The following UPP2 variants were observed in gnomAD, a reference collection of about 807,000 sequenced individuals.
The protein encoded by UPP2 is uridine phosphorylase 2.
Under a neutral mutation model 26.7 loss-of-function variants are expected in UPP2, and 23 were observed. That is an observed-to-expected ratio of 0.86 (90% CI 0.62 to 1.22). The LOEUF is 1.22. UPP2 is among the 50% of genes most tolerant of loss of function. UPP2 has a pLI of 0.00. For missense variants in UPP2, 387 were observed against 396.7 expected (o/e 0.98, Z 0.21); for synonymous variants, 127 against 141.3 (o/e 0.90, Z 0.72).
chr2:158,119,049 C>A (rs1373244198), intron 4 of UPP2, among the ~76,000 whole-genome samples: 14 of 152,024 alleles, frequency 9.2e-5, no homozygotes, highest in Admixed American at 9.2e-4. Flanking sequence ...TGTAGTTTAT[C>A]CAACAATACC....
intron 3 of UPP2, among the ~76,000 whole-genome samples, chr2:158,064,023 C>A (rs1163272602): frequency 2.0e-5 from 3 of 152,204 alleles, no homozygotes; most frequent in Non-Finnish European, 1.5e-5. Flanking sequence ...GGTTCCAAAT[C>A]TTTGCTATTG....
intron 3 of UPP2, among the ~76,000 whole-genome samples, chr2:158,039,926 T>C (rs1020087041): frequency 2.6e-5 from 4 of 152,176 alleles, no homozygotes; most frequent in African/African-American, 9.7e-5. Flanking sequence ...ATCTGGAACT[T>C]AGTGTTAAGC....
chr2:158,106,797 T>C lies in UPP2; in HGVS notation c.180+581T>C, dbSNP rs187791609. 2.3e-3 allele frequency among the ~76,000 whole-genome samples: 348 copies of C among 152,256 alleles called. 1 individual carries two copies. Among genetic ancestry groups the C allele is most frequent in the Admixed American group, 4.7e-3 (72 of 15,290 alleles). ...AGCAATTTGTGTACATTATTTAAAA[T>C]AGGGAATACAAAAAAGAATATGATT... On this transcript the variant is annotated intron_variant, in intron 2 of 6. Transcript: ENST00000005756.
At chr2:158,003,188 A>G (rs1232083061) in intron 2 of UPP2, among the ~76,000 whole-genome samples, 1 of 152,048 alleles carries the variant, frequency 6.6e-6, no homozygotes, top group African/African-American at 2.4e-5. Context: ...CAGAGAAAGA[A>G]GGACTTTTGT....
chr2:158,120,385 T>C (rs1376800843), intron 4 of UPP2, among the ~76,000 whole-genome samples: 1 of 152,084 alleles, frequency 6.6e-6, no homozygotes, highest in Non-Finnish European at 1.5e-5. Context: ...TTATGAACCA[T>C]AGGCTTGCGG....
chr2:158,077,554 C>T (rs1367692135), intron 3 of UPP2, among the ~76,000 whole-genome samples: 1 of 151,720 alleles, frequency 6.6e-6, no homozygotes, highest in African/African-American at 2.4e-5. Context: ...AAGACAGTCT[C>T]TTTAAGGTGC....
intron 3 of UPP2, among the ~76,000 whole-genome samples, chr2:158,116,445 G>C (rs915888432): frequency 5.3e-5 from 8 of 152,138 alleles, no homozygotes; most frequent in Non-Finnish European, 8.8e-5. Context: ...AACAGCAATA[G>C]ACTGATCCTG....
intron 3 of UPP2, among the ~76,000 whole-genome samples, chr2:158,017,368 C>A (rs1166511227): frequency 3.3e-5 from 5 of 152,070 alleles, no homozygotes; most frequent in Admixed American, 3.3e-4. Flanking sequence ...CATAAATTTA[C>A]CTTTCTGGGC....
upstream of UPP2, chr2:158,101,862 A>G (rs1467363188): frequency 1.5e-6 from 2 of 1,343,594 alleles, no homozygotes; most frequent in Admixed American, 7.0e-5. Context: ...GTCAGGGAGG[A>G]CATCTTTTAT....
At chr2:158,086,495 C>T (rs1355160691) in intron 3 of UPP2, among the ~76,000 whole-genome samples, 1 of 151,662 alleles carries the variant, frequency 6.6e-6, no homozygotes, top group Non-Finnish European at 1.5e-5. Flanking sequence ...TCATTTAGTT[C>T]TGCTCTGATC....
intron 3 of UPP2, among the ~76,000 whole-genome samples, chr2:158,036,289 A>G (rs1201496053): frequency 6.6e-6 from 1 of 152,110 alleles, no homozygotes; most frequent in Non-Finnish European, 1.5e-5. Context: ...TTAAGGTATA[A>G]TTTCAAAGTC....
At chr2:158,090,054 C>G (rs1682882132) in intron 3 of UPP2, among the ~76,000 whole-genome samples, 2 of 152,052 alleles carry the variant, frequency 1.3e-5, no homozygotes, top group African/African-American at 4.8e-5. Context: ...GATAGCGTAA[C>G]TGAGTGACTA....
chr2:158,004,689 AC>A (rs1380095177), intron 2 of UPP2, among the ~76,000 whole-genome samples: 2 of 152,308 alleles, frequency 1.3e-5, no homozygotes, highest in Admixed American at 1.3e-4. Flanking sequence ...TCAGTTAATA[AC>A]AAATTAACAT....
rs559207966 is a variant in UPP2, at chr2:158,000,124, C to T, written c.61+4865C>T. Among the ~76,000 whole-genome samples the T allele has an allele frequency of 4.6e-5, 7 of 151,388 alleles. No individual in the cohort carries two copies. The East Asian group carries it at 9.7e-4, about 21-fold the overall frequency. ...TGTCCCCCAGGCTAGAGTGCAATGG[C>T]GCGATCTCGGCTCACTGCAACCTCT... On this transcript the variant is annotated intron_variant, in intron 2 of 9. Transcript: ENST00000605860.
intron 3 of UPP2, among the ~76,000 whole-genome samples, chr2:158,022,047 T>G (rs938879458): frequency 3.9e-5 from 6 of 152,152 alleles, no homozygotes; most frequent in Non-Finnish European, 8.8e-5. Flanking sequence ...TTTTTTTTTT[T>G]TCAAATTGAG....
At chr2:158,084,193 A>C (rs1375290416) in intron 3 of UPP2, among the ~76,000 whole-genome samples, 2 of 152,014 alleles carry the variant, frequency 1.3e-5, no homozygotes, top group Non-Finnish European at 2.9e-5. Context: ...TTTTTTAATT[A>C]TGGCCATTCT....
chr2:158,115,687 T>G (rs1266197426), intron 3 of UPP2, among the ~76,000 whole-genome samples: 1 of 152,244 alleles, frequency 6.6e-6, no homozygotes, highest in Non-Finnish European at 1.5e-5. Flanking sequence ...AATGCATTTC[T>G]ACTGAGCTCT....
At chr2:158,115,722 A>T (rs1034282449) in intron 3 of UPP2, among the ~76,000 whole-genome samples, 1 of 152,236 alleles carries the variant, frequency 6.6e-6, no homozygotes, top group Non-Finnish European at 1.5e-5. Flanking sequence ...CTGCATTTAG[A>T]ACATGTGAAC....
chr2:158,037,264 G>A (rs1385228471), intron 3 of UPP2, among the ~76,000 whole-genome samples: 2 of 151,950 alleles, frequency 1.3e-5, no homozygotes, highest in Non-Finnish European at 2.9e-5. Flanking sequence ...AATCCCAGGT[G>A]CTCGGGAGGC....
Sources: allele counts gnomAD v4.1 joint callset (sites outside exome capture counted in the v4.1 genomes callset), GRCh38; gene constraint gnomAD v4.1.1; transcripts MANE v1.5; gene names NCBI Gene and HGNC (gene_info 2026-07-23, HGNC 2026-07-21).